Variants in GRM7 observed in about 807,000 individuals in gnomAD.
The protein encoded by GRM7 is glutamate metabotropic receptor 7, also known as metabotropic glutamate receptor 7.
In GRM7, 35 loss-of-function variants were observed where a neutral mutation model predicts 84.5. The observed-to-expected ratio is 0.41, with a 90% CI of 0.32 to 0.55. GRM7 has a LOEUF of 0.55. Among genes scored for constraint, GRM7 ranks in the 20% least tolerant of loss-of-function variants. GRM7 has a pLI of 0.19. For missense variants in GRM7, 1,003 were observed against 1,194.6 expected, an observed-to-expected ratio of 0.84 and a Z score of 2.36; for synonymous variants, 487 against 455.1, an observed-to-expected ratio of 1.07 and a Z score of -0.89.
chr3:7,114,398 T>G (rs937924097), intron 1 of GRM7, among the ~76,000 whole-genome samples: 18 of 152,150 alleles, frequency 1.2e-4, no homozygotes, highest in African/African-American at 4.1e-4. Context: ...AAATCTATTC[T>G]CCAATTATTT....
chr3:6,948,991 G>T (rs1011596798), intron 1 of GRM7, among the ~76,000 whole-genome samples: 1 of 152,092 alleles, frequency 6.6e-6, no homozygotes, highest in Non-Finnish European at 1.5e-5. Flanking sequence ...CACACTGATG[G>T]GTCTTGACTC....
intron 4 of GRM7, among the ~76,000 whole-genome samples, chr3:7,314,751 A>G (rs962249451): frequency 8.6e-5 from 13 of 152,012 alleles, no homozygotes; most frequent in East Asian, 5.8e-4. Flanking sequence ...AGTAAGTCCA[A>G]TGTCTGGGCT....
At chr3:7,458,439 A>C (rs958774417) in intron 6 of GRM7, among the ~76,000 whole-genome samples, 5 of 152,200 alleles carry the variant, frequency 3.3e-5, no homozygotes, top group South Asian at 2.1e-4. Context: ...GCTGTTAAAA[A>C]GGAGATGTGG....
chr3:7,022,237 G>A (rs1423974275), intron 1 of GRM7, among the ~76,000 whole-genome samples: 1 of 151,754 alleles, frequency 6.6e-6, no homozygotes, highest in Non-Finnish European at 1.5e-5. Context: ...GAGGTGGGAC[G>A]ATTGCTTGAG....
intron 1 of GRM7, among the ~76,000 whole-genome samples, chr3:6,948,032 G>A (rs1217181366): frequency 1.3e-5 from 2 of 152,038 alleles, no homozygotes; most frequent in Non-Finnish European, 2.9e-5. Flanking sequence ...TTTTTTTGAA[G>A]GGTTTATTGT....
chr3:6,919,823 A>G (rs959655269), intron 1 of GRM7, among the ~76,000 whole-genome samples: 7 of 152,128 alleles, frequency 4.6e-5, no homozygotes, highest in Admixed American at 4.6e-4. Flanking sequence ...TGACTAAAAC[A>G]TACTCCTTCC....
intron 7 of GRM7, among the ~76,000 whole-genome samples, chr3:7,469,208 C>G (rs550636126): frequency 1.3e-5 from 2 of 152,262 alleles, no homozygotes; most frequent in African/African-American, 4.8e-5. Context: ...GAGGATGCAA[C>G]CAGACTTCTA....
intron 4 of GRM7, among the ~76,000 whole-genome samples, chr3:7,327,578 C>T (rs189891357): frequency 2.6e-3 from 397 of 152,254 alleles, no homozygotes; most frequent in Non-Finnish European, 4.3e-3. Flanking sequence ...GCAAAATTAT[C>T]TTTCCACATT....
rs746833089 is a variant in GRM7, at chr3:7,680,268, G to A, written c.2671G>A (p.Glu891Lys). 25 of 1,613,992 alleles carry A rather than the reference G, an allele frequency of 1.5e-5. No homozygotes were observed. Among genetic ancestry groups the A allele is most frequent in the African/African-American group, 5.3e-5 (4 of 74,922 alleles). The stretch of plus-strand genomic sequence containing the variant: ...CAGACCCAACGGTGAGGCAAAGACC[G>A]AGCTCTGTGAAAACGTAGACCCAAA... ...SDRPNGEAKT[E>K]LCENVDPNSP... The change falls in exon 9 of 10, where the codon GAG becomes AAG. Residue 891 changes from glutamate to lysine, a missense_variant. This residue lies in a region of GRM7 where 910 missense variants were observed against 1,126.0 expected (regional missense o/e 0.81). Transcript: ENST00000357716.
chr3:7,532,861 T>G (rs1701095566), intron 7 of GRM7, among the ~76,000 whole-genome samples: 1 of 141,750 alleles, frequency 7.1e-6, no homozygotes, highest in Non-Finnish European at 1.5e-5. Flanking sequence ...AAACAGACTT[T>G]AAACCAACAA....
At chr3:7,085,476 G>A (rs184153609) in intron 1 of GRM7, among the ~76,000 whole-genome samples, 146 of 152,228 alleles carry the variant, frequency 9.6e-4, no homozygotes, top group African/African-American at 3.4e-3. Context: ...ATTAACAATT[G>A]TAGTTGTATA....
chr3:7,640,159 T>A (rs1698300542), intron 8 of GRM7, among the ~76,000 whole-genome samples: 1 of 152,172 alleles, frequency 6.6e-6, no homozygotes, highest in Admixed American at 6.5e-5. Flanking sequence ...GGGTTTTACA[T>A]ATAGTTGATG....
chr3:7,461,490 C>G (rs1286163786), intron 6 of GRM7, 93 bp from the exon 7 acceptor site: 1 of 1,061,274 alleles, frequency 9.4e-7, no homozygotes, highest in Non-Finnish European at 1.4e-6. Flanking sequence ...CTACCTTTCT[C>G]CTCGTTAAGT....
intron 5 of GRM7, among the ~76,000 whole-genome samples, chr3:7,422,757 T>A (rs1468837333): frequency 6.6e-6 from 1 of 152,188 alleles, no homozygotes; most frequent in African/African-American, 2.4e-5. Context: ...ATTTTCTTTT[T>A]TACTTCCATT....
chr3:7,048,059 G>A (rs943414801), intron 1 of GRM7, among the ~76,000 whole-genome samples: 4 of 151,894 alleles, frequency 2.6e-5, no homozygotes, highest in Non-Finnish European at 5.9e-5. Context: ...ACATTGCGAT[G>A]GAATGGAACA....
chr3:7,327,046 C>G (rs979021769), intron 4 of GRM7, among the ~76,000 whole-genome samples: 1 of 152,110 alleles, frequency 6.6e-6, no homozygotes, highest in Non-Finnish European at 1.5e-5. Context: ...TAGCATGGTG[C>G]CTGGCACATA....
At chr3:7,529,912 CTTT>C (rs58585620) in intron 7 of GRM7, among the ~76,000 whole-genome samples, 1 of 140,098 alleles carries the variant, frequency 7.1e-6, no homozygotes, top group Non-Finnish European at 1.5e-5. Context: ...AGGACCTTTT[CTTT>C]TTTTTTTTTT....
At chr3:7,447,051 T>C (rs1697547427) in intron 5 of GRM7, among the ~76,000 whole-genome samples, 1 of 64,678 alleles carries the variant, frequency 1.5e-5, no homozygotes, top group Non-Finnish European at 5.4e-5. Flanking sequence ...TACTGGACTC[T>C]GGGTAAAAGT....
At chr3:7,447,923 C>CAG (rs1697592231) in intron 5 of GRM7, among the ~76,000 whole-genome samples, 1 of 120,660 alleles carries the variant, frequency 8.3e-6, no homozygotes, top group Non-Finnish European at 1.7e-5. Flanking sequence ...CAACAGTCCC[C>CAG]GGAATGTGAT....
Sources: allele counts gnomAD v4.1 joint callset (sites outside exome capture counted in the v4.1 genomes callset), GRCh38; gene constraint gnomAD v4.1.1; regional missense constraint gnomAD v4.1.1; transcripts MANE v1.5; gene names NCBI Gene and HGNC (gene_info 2026-07-23, HGNC 2026-07-21).